The following TCF7L2 variants were observed in gnomAD, a reference collection of about 807,000 sequenced individuals.
The protein encoded by TCF7L2 is transcription factor 7-like 2.
Under a neutral mutation model 77.9 loss-of-function variants are expected in TCF7L2, and 23 were observed. The observed-to-expected ratio is 0.30, with a 90% CI of 0.21 to 0.42. The LOEUF (loss-of-function observed/expected upper bound fraction) is 0.42, where lower values mean the gene tolerates loss of function less well. Among genes scored for constraint, TCF7L2 ranks in the 10% least tolerant of loss-of-function variants. TCF7L2 has a pLI of 1.00. For missense variants in TCF7L2, 654 were observed against 793.1 expected (o/e 0.82, Z 2.11); for synonymous variants, 413 against 340.2 (o/e 1.21, Z -2.36).
intron 4 of TCF7L2, among the ~76,000 whole-genome samples, chr10:112,978,507 C>A (rs2039857695): frequency 6.6e-6 from 1 of 151,650 alleles, no homozygotes; most frequent in African/African-American, 2.4e-5. Context: ...GCTCTGTCAC[C>A]CAGGCTAGAG....
At chr10:113,146,458 G>A (rs948310131) in intron 8 of TCF7L2, among the ~76,000 whole-genome samples, 8 of 151,944 alleles carry the variant, frequency 5.3e-5, no homozygotes, top group Admixed American at 3.9e-4. Flanking sequence ...AGAAGAGTTC[G>A]AAAAAAGATT....
At chr10:113,110,425 G>A (rs1402985391) in intron 5 of TCF7L2, among the ~76,000 whole-genome samples, 3 of 138,944 alleles carry the variant, frequency 2.2e-5, no homozygotes, top group Non-Finnish European at 4.6e-5. Flanking sequence ...TTCAGAAGCA[G>A]TGTTTTCACA....
At chr10:113,125,323 A>ATT (rs11436064) in intron 5 of TCF7L2, among the ~76,000 whole-genome samples, 235 of 150,708 alleles carry the variant, frequency 1.6e-3, no homozygotes, top group African/African-American at 5.2e-3. Flanking sequence ...TGCCGTCTGC[A>ATT]TTTTTTTTTA....
chr10:113,055,387 A>G (rs2055212279), intron 5 of TCF7L2, among the ~76,000 whole-genome samples: 1 of 152,172 alleles, frequency 6.6e-6, no homozygotes, highest in African/African-American at 2.4e-5. Context: ...ATCTGGTCAT[A>G]TGTTTATTTT....
intron 4 of TCF7L2, among the ~76,000 whole-genome samples, chr10:112,968,206 GATCCTTGAATGGCACAAC>G (rs1250111418): frequency 6.6e-6 from 1 of 152,028 alleles, no homozygotes; most frequent in East Asian, 1.9e-4. Flanking sequence ...AACTACATTT[GATCCTTGAATGGCACAAC>G]ATGAGTTTGA....
chr10:113,098,931 C>T (rs896890459), intron 5 of TCF7L2, among the ~76,000 whole-genome samples: 5 of 152,046 alleles, frequency 3.3e-5, no homozygotes, highest in Admixed American at 2.6e-4. Flanking sequence ...TAGATAGTGC[C>T]GACTTGATTC....
At chr10:113,016,888 C>T (rs933159722) in intron 4 of TCF7L2, among the ~76,000 whole-genome samples, 4 of 152,254 alleles carry the variant, frequency 2.6e-5, no homozygotes, top group African/African-American at 9.6e-5. Flanking sequence ...TCTCGTGTGC[C>T]CCTGGCAGCT....
intron 5 of TCF7L2, among the ~76,000 whole-genome samples, chr10:113,139,674 C>T (rs10787477): frequency 0.37 from 56,032 of 151,794 alleles, 11,698 homozygotes; most frequent in African/African-American, 0.54. Flanking sequence ...TTTTCTGGGG[C>T]ATCTAGAGAG....
chr10:113,149,810 A>G (rs932598876), intron 8 of TCF7L2, among the ~76,000 whole-genome samples: 4 of 152,196 alleles, frequency 2.6e-5, no homozygotes, highest in African/African-American at 9.6e-5. Flanking sequence ...ACAGCTTCCC[A>G]TCTGCTCACT....
intron 8 of TCF7L2, among the ~76,000 whole-genome samples, chr10:113,150,167 C>G (rs2070431491): frequency 6.6e-6 from 1 of 152,134 alleles, no homozygotes; most frequent in Admixed American, 6.5e-5. Flanking sequence ...CTGTATCTTT[C>G]ATTTATAATT....
At chr10:113,165,484 G>A (rs2073977888) in intron 13 of TCF7L2, 71 bp from the exon 15 acceptor site, 1 of 1,533,804 alleles carries the variant, frequency 6.5e-7, no homozygotes. Flanking sequence ...GCTTGGGTGT[G>A]AGCATTAGGT....
intron 4 of TCF7L2, among the ~76,000 whole-genome samples, chr10:112,996,276 A>G (rs1011970222): frequency 3.3e-5 from 5 of 152,154 alleles, no homozygotes; most frequent in African/African-American, 1.2e-4. Flanking sequence ...TGGCGACCGA[A>G]GTGATATGGG....
chr10:113,157,696 C>T (rs1047118379), intron 11 of TCF7L2: 7 of 253,916 alleles, frequency 2.8e-5, no homozygotes, highest in Non-Finnish European at 5.4e-5. Flanking sequence ...GAATCTTCCT[C>T]GTGCCGTCCC....
At chr10:113,069,944 G>A (rs550490136) in intron 5 of TCF7L2, among the ~76,000 whole-genome samples, 2 of 152,204 alleles carry the variant, frequency 1.3e-5, no homozygotes, top group African/African-American at 4.8e-5. Flanking sequence ...ACTGTGGGAG[G>A]TAGCAGGAGT....
intron 3 of TCF7L2, 34 bp from the exon 4 acceptor site, chr10:112,964,522 A>C: frequency 6.3e-7 from 1 of 1,599,930 alleles, no homozygotes; most frequent in Non-Finnish European, 8.6e-7. Flanking sequence ...TTTGTGACAT[A>C]AGCAGAACGC....
chr10:112,972,478 TTAC>T (rs1283275038), intron 4 of TCF7L2, among the ~76,000 whole-genome samples: 1 of 152,174 alleles, frequency 6.6e-6, no homozygotes, highest in Admixed American at 6.6e-5. Flanking sequence ...TGAATTATTA[TTAC>T]TATTTTGAGA....
chr10:113,090,045 G>A (rs1339377508), intron 5 of TCF7L2, among the ~76,000 whole-genome samples: 1 of 152,186 alleles, frequency 6.6e-6, no homozygotes, highest in African/African-American at 2.4e-5. Flanking sequence ...GCCGTGAATG[G>A]CTTTACTCGC....
At chr10:113,056,033 T>C (rs928968834) in intron 5 of TCF7L2, among the ~76,000 whole-genome samples, 1 of 152,258 alleles carries the variant, frequency 6.6e-6, no homozygotes, top group African/African-American at 2.4e-5. Context: ...ACTGGACCTA[T>C]ATCTGGAAAA....
At chr10:113,072,246 G>C (rs986839812) in intron 5 of TCF7L2, among the ~76,000 whole-genome samples, 7 of 151,760 alleles carry the variant, frequency 4.6e-5, no homozygotes, top group Non-Finnish European at 8.8e-5. Context: ...TAGCAGAGAC[G>C]GGGTTTCACC....
Sources: gnomAD v4.1 joint callset for allele counts (sites outside exome capture counted in the v4.1 genomes callset) on GRCh38, gnomAD v4.1.1 for gene constraint, MANE v1.5 for transcripts, NCBI Gene and HGNC (gene_info 2026-07-23, HGNC 2026-07-21) for gene names.